DMD: variants seen among roughly 807,000 people sequenced by gnomAD.
The protein encoded by DMD is dystrophin.
A neutral mutation model predicts 330.1 loss-of-function variants in DMD; 63 were observed. That is an observed-to-expected ratio of 0.19 (90% CI 0.16 to 0.24). The LOEUF is 0.24. DMD is among the 10% of genes least tolerant of loss of function. The pLI, the probability that DMD is intolerant of heterozygous loss-of-function variation, is 1.00. For synonymous variants in DMD, 1,223 were observed against 959.8 expected (o/e 1.27, Z -5.07); for missense variants, 3,344 against 2,684.1 (o/e 1.25, Z -5.43).
In DMD at chrX:31,173,509, T is replaced by C. The variant is rs1356653078; in HGVS notation, c.10328+30A>G. 5.1e-6 allele frequency: 6 copies of C among 1,184,184 alleles called. No individual in the cohort carries two copies. In the East Asian group the frequency reaches 1.8e-4, roughly 35 times the overall value. On this transcript the variant is annotated intron_variant, in intron 72 of 78. Coordinates refer to ENST00000357033, the MANE Select transcript of DMD (RefSeq NM_004006.3). ...TTCCTTGGTTAGTTATTTCAATCAA[T>C]ATTTGCCTGGCATACAACTAGTCTC... is the stretch of plus-strand genomic sequence containing the variant.
At chrX:32,623,085 T>TGC (rs2058104820) in intron 11 of DMD, among the ~76,000 whole-genome samples, 1 of 112,133 alleles carries the variant, frequency 8.9e-6, no homozygotes, top group African/African-American at 3.2e-5. Flanking sequence ...TGCCCAAGTA[T>TGC]GCCCTTCAGT....
At chrX:32,702,414 A>C (rs775801957) in intron 7 of DMD, among the ~76,000 whole-genome samples, 1 of 111,360 alleles carries the variant, frequency 9.0e-6, no homozygotes, top group Non-Finnish European at 1.9e-5. Context: ...AAACATGCAG[A>C]GGTAGGGACA....
intron 64 of DMD, among the ~76,000 whole-genome samples, chrX:31,217,394 T>G (rs2045519315): frequency 9.0e-6 from 1 of 111,708 alleles, no homozygotes; most frequent in Non-Finnish European, 1.9e-5. Flanking sequence ...ATTGGGTTAT[T>G]TGGCTTTCTG....
chrX:32,099,547 G>C (rs1177929691), intron 44 of DMD, among the ~76,000 whole-genome samples: 1 of 109,167 alleles, frequency 9.2e-6, no homozygotes, highest in Non-Finnish European at 1.9e-5. Flanking sequence ...ATACACCATG[G>C]AATACTATGC....
intron 1 of DMD, among the ~76,000 whole-genome samples, chrX:33,104,674 C>G (rs950256710): frequency 1.8e-5 from 2 of 112,059 alleles, no homozygotes; most frequent in Non-Finnish European, 3.8e-5. Context: ...CACACAAAGC[C>G]TGTTTGGTGG....
At chrX:32,442,413 A>G (rs1355470670) in intron 27 of DMD, among the ~76,000 whole-genome samples, 1 of 111,455 alleles carries the variant, frequency 9.0e-6, no homozygotes, top group East Asian at 2.8e-4. Flanking sequence ...AGATATGTTC[A>G]ATCTCATTAG....
At chrX:31,202,304 C>T (rs910633000) in intron 67 of DMD, among the ~76,000 whole-genome samples, 1 of 112,030 alleles carries the variant, frequency 8.9e-6, no homozygotes, top group African/African-American at 3.2e-5. Context: ...TTGCCTGTGG[C>T]CATTAATATT....
intron 9 of DMD, among the ~76,000 whole-genome samples, chrX:32,681,624 G>A (rs1175925214): frequency 2.7e-5 from 3 of 111,658 alleles, no homozygotes; most frequent in Non-Finnish European, 5.6e-5. Context: ...TCAACTCTTA[G>A]AATATACAAT....
intron 59 of DMD, among the ~76,000 whole-genome samples, chrX:31,451,183 C>CTTCTTTCT (rs374273651): frequency 4.3e-5 from 4 of 92,224 alleles, no homozygotes; most frequent in Admixed American, 1.2e-4. Flanking sequence ...ATACAGGAGA[C>CTTCTTTCT]TTCTTTCTTT....
At chrX:32,966,164 T>C (rs185663931) in intron 2 of DMD, among the ~76,000 whole-genome samples, 1 of 111,860 alleles carries the variant, frequency 8.9e-6, no homozygotes, top group Non-Finnish European at 1.9e-5. Context: ...CTAATTTGTA[T>C]AGGGGGTTAA....
intron 44 of DMD, among the ~76,000 whole-genome samples, chrX:32,099,673 T>A (rs755702015): frequency 1.2e-4 from 12 of 96,459 alleles, no homozygotes; most frequent in East Asian, 6.9e-4. Context: ...GTTCTCACTC[T>A]TAGGTGGGAA....
chrX:32,437,821 T>G (rs191730806), intron 29 of DMD, among the ~76,000 whole-genome samples: 1 of 112,623 alleles, frequency 8.9e-6, no homozygotes, highest in African/African-American at 3.2e-5. Context: ...AGAAATGTAG[T>G]GTTATTTATG....
chrX:31,333,909 C>T (rs2057278526), intron 61 of DMD, among the ~76,000 whole-genome samples: 1 of 110,863 alleles, frequency 9.0e-6, no homozygotes, highest in African/African-American at 3.3e-5. Context: ...AGACTACACA[C>T]GAAACTGGAA....
chrX:33,012,337 G>A (rs1319523362), intron 2 of DMD, among the ~76,000 whole-genome samples: 1 of 111,288 alleles, frequency 9.0e-6, no homozygotes, highest in Non-Finnish European at 1.9e-5. Flanking sequence ...AGATGTTAGG[G>A]AGTTCACATG....
At chrX:32,370,926 C>T (rs770658449) in intron 34 of DMD, among the ~76,000 whole-genome samples, 7 of 110,844 alleles carry the variant, frequency 6.3e-5, no homozygotes, top group Non-Finnish European at 1.1e-4. Context: ...TTGAAATTCG[C>T]GGATCTTGTA....
chrX:31,378,216 C>T (rs764119639), intron 60 of DMD, among the ~76,000 whole-genome samples: 35 of 111,665 alleles, frequency 3.1e-4, no homozygotes, highest in African/African-American at 1.1e-3. Flanking sequence ...CTTGGGAGAT[C>T]TATCCCCTGT....
intron 30 of DMD, among the ~76,000 whole-genome samples, chrX:32,391,295 A>C (rs1385360706): frequency 1.8e-5 from 2 of 111,360 alleles, no homozygotes; most frequent in Non-Finnish European, 3.8e-5. Context: ...TATTAGTGTA[A>C]GTGAATTTAC....
chrX:32,980,368 CAAAA>C (rs755016078), intron 2 of DMD, among the ~76,000 whole-genome samples: 8 of 42,624 alleles, frequency 1.9e-4, no homozygotes, highest in African/African-American at 3.5e-4. Flanking sequence ...GACTCTGTCT[CAAAA>C]AAAAAAAAAA....
At chrX:32,072,792 C>T (rs774894439) in intron 44 of DMD, among the ~76,000 whole-genome samples, 1 of 111,869 alleles carries the variant, frequency 8.9e-6, no homozygotes, top group South Asian at 3.7e-4. Flanking sequence ...CCAGGTACAG[C>T]ATCCTTTCCT....
Sources: gnomAD v4.1 joint callset for allele counts (sites outside exome capture counted in the v4.1 genomes callset) on GRCh38, gnomAD v4.1.1 for gene constraint, MANE v1.5 for transcripts, NCBI Gene and HGNC (gene_info 2026-07-23, HGNC 2026-07-21) for gene names.